Variants in MTBP observed in about 807,000 individuals in gnomAD.
MTBP encodes the protein MDM2 binding protein.
MTBP carries 101 observed loss-of-function variants against 117.0 expected under a neutral mutation model. The ratio of observed to expected loss-of-function variants is 0.86; its 90% CI spans 0.73 to 1.02. The LOEUF (loss-of-function observed/expected upper bound fraction) is 1.02. Ranked by LOEUF, MTBP falls within the 50% of genes least tolerant of loss-of-function variation. The probability of loss-of-function intolerance (pLI) is 0.00; values close to 1 mark genes in which losing one functional copy is unlikely to be tolerated. For missense variants in MTBP, 970 were observed against 1,030.9 expected (o/e 0.94, Z 0.81); for synonymous variants, 350 against 351.5 (o/e 1.00, Z 0.05).
intron 11 of MTBP, among the ~76,000 whole-genome samples, chr8:120,478,583 A>T (rs779274064): frequency 7.2e-5 from 11 of 152,196 alleles, no homozygotes; most frequent in Non-Finnish European, 1.3e-4. Flanking sequence ...GAAAAGAAAC[A>T]TGTTAAAGGC....
At chr8:120,520,214 C>T (rs1814990046) in intron 20 of MTBP, among the ~76,000 whole-genome samples, 1 of 152,040 alleles carries the variant, frequency 6.6e-6, no homozygotes. Flanking sequence ...CTATAATTCT[C>T]ATAGAAAGAA....
intron 14 of MTBP, 130 bp downstream of exon 14, chr8:120,497,684 A>G: frequency 3.3e-6 from 2 of 603,186 alleles, no homozygotes; most frequent in Non-Finnish European, 2.8e-6. Flanking sequence ...ATAGATACTT[A>G]TATAGATACA....
intron 12 of MTBP, among the ~76,000 whole-genome samples, chr8:120,489,917 C>T (rs183140943): frequency 2.0e-5 from 3 of 152,228 alleles, no homozygotes; most frequent in Admixed American, 6.5e-5. Flanking sequence ...GGAAAAAAAC[C>T]CAAGCTATCC....
intron 9 of MTBP, 88 bp from the exon 10 acceptor site, chr8:120,463,604 G>A (rs972091472): frequency 3.7e-5 from 40 of 1,091,910 alleles, no homozygotes; most frequent in Non-Finnish European, 4.6e-5. Flanking sequence ...TTAAGCAACT[G>A]TGGAAGAATT....
At chr8:120,466,866 T>C in intron 10 of MTBP, among the ~76,000 whole-genome samples, 1 of 152,138 alleles carries the variant, frequency 6.6e-6, no homozygotes, top group East Asian at 1.9e-4. Flanking sequence ...AGAGCGAGAC[T>C]CCGTCTCAAA....
intron 9 of MTBP, among the ~76,000 whole-genome samples, chr8:120,462,704 A>T (rs1813605974): frequency 6.6e-6 from 1 of 152,076 alleles, no homozygotes; most frequent in African/African-American, 2.4e-5. Context: ...CTTATATTAG[A>T]TTCTTGTCTT....
At chr8:120,470,616 T>C (rs1483099128) in intron 10 of MTBP, among the ~76,000 whole-genome samples, 1 of 152,230 alleles carries the variant, frequency 6.6e-6, no homozygotes, top group Non-Finnish European at 1.5e-5. Flanking sequence ...TTTGTTTGTC[T>C]GCATTTTAGC....
intron 14 of MTBP, among the ~76,000 whole-genome samples, chr8:120,498,128 A>T (rs1161777930): frequency 1.3e-5 from 2 of 152,172 alleles, no homozygotes. Flanking sequence ...TTCAAATCTC[A>T]CTTTTGTTAC....
intron 1 of MTBP, 137 bp from the exon 2 acceptor site, chr8:120,446,296 C>T (rs1197315511): frequency 1.1e-5 from 7 of 618,976 alleles, no homozygotes; most frequent in Middle Eastern, 8.9e-4. Context: ...TGTATCAAAA[C>T]TTGAACAGAT....
intron 17 of MTBP, among the ~76,000 whole-genome samples, chr8:120,510,575 A>G (rs1814782120): frequency 6.6e-6 from 1 of 152,172 alleles, no homozygotes; most frequent in Non-Finnish European, 1.5e-5. Context: ...ATCCAGCAAC[A>G]TTAAATATCT....
intron 1 of MTBP, among the ~76,000 whole-genome samples, 173 bp from the exon 2 acceptor site, chr8:120,446,260 A>T (rs765163284): frequency 1.3e-5 from 2 of 152,000 alleles, no homozygotes; most frequent in Admixed American, 6.6e-5. Context: ...AGCCTTTTCT[A>T]TTTTCTCTGA....
intron 14 of MTBP, among the ~76,000 whole-genome samples, chr8:120,502,046 T>A (rs1314721388): frequency 6.6e-6 from 1 of 152,220 alleles, no homozygotes. Flanking sequence ...ATTGTAGTTT[T>A]GAGAATAAGG....
At chr8:120,509,876 A>C in intron 16 of MTBP, 58 bp from the exon 17 acceptor site, 1 of 1,209,352 alleles carries the variant, frequency 8.3e-7, no homozygotes, top group Non-Finnish European at 1.2e-6. Flanking sequence ...TACTTTCTTT[A>C]ACTTTCTTTT....
chr8:120,493,766 C>A (rs557290901), intron 13 of MTBP, among the ~76,000 whole-genome samples: 1 of 152,200 alleles, frequency 6.6e-6, no homozygotes, highest in East Asian at 1.9e-4. Context: ...GCTGGGATTA[C>A]AGGAGTGAGC....
intron 13 of MTBP, among the ~76,000 whole-genome samples, chr8:120,493,045 C>T (rs1369532718): frequency 6.6e-6 from 1 of 152,156 alleles, no homozygotes; most frequent in Admixed American, 6.5e-5. Flanking sequence ...TCCAGTATTG[C>T]AGTCTCTACT....
At chr8:120,460,362 A>G (rs7829579) in intron 8 of MTBP, among the ~76,000 whole-genome samples, 2,087 of 152,238 alleles carry the variant, frequency 0.014, 42 homozygotes, top group African/African-American at 0.046. Context: ...CTCTCTCTGT[A>G]TATGTATAGA....
intron 10 of MTBP, among the ~76,000 whole-genome samples, chr8:120,470,447 A>G (rs1055629363): frequency 6.6e-6 from 1 of 152,216 alleles, no homozygotes; most frequent in African/African-American, 2.4e-5. Context: ...GTTGAATATA[A>G]CAAAATATTT....
intron 6 of MTBP, among the ~76,000 whole-genome samples, chr8:120,455,939 T>C (rs1301913296): frequency 6.6e-6 from 1 of 152,120 alleles, no homozygotes; most frequent in African/African-American, 2.4e-5. Context: ...CACTGTTGTG[T>C]TTTATGATAT....
chr8:120,473,436 A>C (rs556624177), intron 11 of MTBP: 1 of 152,288 alleles, frequency 6.6e-6, no homozygotes, highest in African/African-American at 2.4e-5. Flanking sequence ...GTGGGAAATA[A>C]AGGAGCATCA....
Sources: gnomAD v4.1 joint callset for allele counts (sites outside exome capture counted in the v4.1 genomes callset) on GRCh38, gnomAD v4.1.1 for gene constraint, MANE v1.5 for transcripts, NCBI Gene and HGNC (gene_info 2026-07-23, HGNC 2026-07-21) for gene names.